The following SMAD6 variants were observed in gnomAD, a reference collection of about 807,000 sequenced individuals.
The protein encoded by SMAD6 is MAD homolog 6.
In SMAD6, 103 loss-of-function variants were observed where a neutral mutation model predicts 39.4. The ratio of observed to expected loss-of-function variants is 2.62; its 90% CI spans 2.23 to 3.08. The LOEUF (loss-of-function observed/expected upper bound fraction) is 3.08. Ranked by LOEUF, SMAD6 falls within the 30% of genes most tolerant of loss-of-function variation. SMAD6 has a pLI of 0.00. For synonymous variants in SMAD6, 445 were observed against 353.3 expected, an observed-to-expected ratio of 1.26 and a Z score of -2.91; for missense variants, 1,104 against 742.9, an observed-to-expected ratio of 1.49 and a Z score of -5.65.
chr15:66,755,748 A>G (rs951714800), intron 3 of SMAD6, among the ~76,000 whole-genome samples: 3 of 152,150 alleles, frequency 2.0e-5, no homozygotes, highest in African/African-American at 4.8e-5. Flanking sequence ...CCTCCTCTCC[A>G]CTGCTCTGCT....
chr15:66,734,047 AG>A (rs1381499727), intron 3 of SMAD6, among the ~76,000 whole-genome samples: 1 of 152,218 alleles, frequency 6.6e-6, no homozygotes, highest in Non-Finnish European at 1.5e-5. Flanking sequence ...GGACTGGGAA[AG>A]GCAACCCAGC....
At position 66,781,168 on chromosome 15, in the gene SMAD6, A is replaced by G; in HGVS notation, c.1124A>G (p.Gln375Arg). The change falls in exon 4 of 4, where the codon CAG (glutamine) becomes CGG (arginine). Residue 375 changes from glutamine (Q) to arginine (R), a missense_variant. Gln to Arg is a conservative substitution (Grantham distance 43). Coordinates refer to ENST00000288840, the MANE Select transcript of SMAD6 (RefSeq NM_005585.5). Reference protein sequence around the residue: ...GFCLGQLNLEQRSESVRRTRS... With the variant: ...GFCLGQLNLERRSESVRRTRS... ...TGCCTGGGCCAGCTCAACCTGGAGCAGCGCAGCGAGTCGGTGCGGCGAACG... is the reference window on the plus strand; with the variant it reads ...TGCCTGGGCCAGCTCAACCTGGAGCGGCGCAGCGAGTCGGTGCGGCGAACG... The G allele has an allele frequency of 6.2e-7, 1 of 1,607,962 alleles. No individual in the cohort carries two copies. Among genetic ancestry groups the G allele is most frequent in the Non-Finnish European group, 8.5e-7 (1 of 1,179,756 alleles).
intron 1 of SMAD6, chr15:66,707,348 G>C (rs2140588973): frequency 6.6e-6 from 1 of 152,150 alleles, no homozygotes; most frequent in African/African-American, 2.4e-5. Context: ...GAGAGACAGA[G>C]CGAGAGAGAG....
intron 3 of SMAD6, among the ~76,000 whole-genome samples, chr15:66,739,862 A>G (rs890185019): frequency 1.3e-5 from 2 of 152,156 alleles, no homozygotes; most frequent in Non-Finnish European, 2.9e-5. Context: ...GTAGCCTCGA[A>G]CTATGAGGCT....
rs1894592258 is a variant in SMAD6 at position 66,782,273 on chromosome 15, T to A, written c.*738T>A. The A allele has an allele frequency of 5.0e-6, 1 of 201,222 alleles. No homozygotes were observed. Among genetic ancestry groups the A allele is most frequent in the African/African-American group, 2.3e-5 (1 of 43,538 alleles). The allele number at this position is 201,222 out of a possible 1,614,324, so 12.5% of individuals were successfully genotyped here. A position where few individuals can be genotyped will look rare whatever the true frequency, so the allele number is the denominator to read the frequency against. ...TTATCCTGGACAAGCTCTTCCAGTC[T>A]GATGGAGGAGGTTCATGCCCTAGCC... On this transcript the variant is annotated 3_prime_UTR_variant, in exon 4 of 4. Coordinates refer to ENST00000288840, the MANE Select transcript of SMAD6 (RefSeq NM_005585.5).
At chr15:66,762,551 C>T (rs1367149087) in intron 3 of SMAD6, among the ~76,000 whole-genome samples, 1 of 151,978 alleles carries the variant, frequency 6.6e-6, no homozygotes, top group Non-Finnish European at 1.5e-5. Flanking sequence ...GGAGGGGGCA[C>T]TTTGGGGGAG....
At chr15:66,704,218 C>A in intron 1 of SMAD6, 143 bp downstream of exon 1, 1 of 534,798 alleles carries the variant, frequency 1.9e-6, no homozygotes, top group Non-Finnish European at 2.9e-6. Context: ...CCAGGGGAGG[C>A]GCCTCAGACC....
chr15:66,730,719 C>T (rs1337959331), intron 3 of SMAD6, among the ~76,000 whole-genome samples: 1 of 152,212 alleles, frequency 6.6e-6, no homozygotes, highest in Non-Finnish European at 1.5e-5. Context: ...TGTGCTGTTT[C>T]TTGTTCCTTA....
intron 1 of SMAD6, chr15:66,705,695 G>C (rs575796590): frequency 6.6e-6 from 1 of 152,332 alleles, no homozygotes; most frequent in Non-Finnish European, 1.5e-5. Flanking sequence ...TGTGCTGGGT[G>C]CTGTGGCTAA....
rs191653566 is a variant in SMAD6 at position 66,768,089 on chromosome 15, C to A, written c.953-12908C>A. On this transcript the variant is annotated intron_variant, in intron 3 of 3. Coordinates refer to ENST00000288840, the MANE Select transcript of SMAD6 (RefSeq NM_005585.5). ...GGCTCAAGCAATCCTCCCACCTCAA[C>A]CTCTAGAGTAGCTGGGGGACTACAG... Among the ~76,000 whole-genome samples, 3 of 150,538 alleles carry A rather than the reference C, an allele frequency of 2.0e-5. No homozygotes were observed. The Admixed American group carries it at 2.0e-4, about 10-fold the overall frequency.
Position 66,703,836 on chromosome 15 carries a change from A to C in SMAD6, c.578A>C (p.Glu193Ala). ...GAGCGCTCGCTGGACACGCTGCTGG[A>C]GGCGGTGGAGTCCCGCGGCGGCGTG... is the stretch of plus-strand genomic sequence containing the variant. ...LKERSLDTLL[E>A]AVESRGGVPG... The change falls in exon 1 of 4, where the codon GAG becomes GCG. Residue 193 changes from glutamate (E) to alanine (A), a missense_variant. By Grantham distance (107) the Glu-to-Ala change is moderately radical (BLOSUM62 -1). Coordinates refer to ENST00000288840, the MANE Select transcript of SMAD6 (RefSeq NM_005585.5). 7.2e-7 allele frequency: 1 copy of C among 1,395,790 alleles called. No homozygotes were observed. The highest frequency in any genetic ancestry group is 9.4e-7 in the Non-Finnish European group (1 of 1,063,236). 86.5% of individuals were successfully genotyped at this position (1,395,790 alleles called of 1,614,324 possible). A position where few individuals can be genotyped will look rare whatever the true frequency, so the allele number is the denominator to read the frequency against.
At chr15:66,762,971 G>A (rs1894226331) in intron 3 of SMAD6, among the ~76,000 whole-genome samples, 1 of 151,964 alleles carries the variant, frequency 6.6e-6, no homozygotes, top group African/African-American at 2.4e-5. Context: ...TGTCCCCAAA[G>A]GACACAGCAG....
chr15:66,767,333 GC>G (rs1894305269), intron 3 of SMAD6, among the ~76,000 whole-genome samples: 1 of 152,174 alleles, frequency 6.6e-6, no homozygotes, highest in South Asian at 2.1e-4. Flanking sequence ...GCCTCCTTCT[GC>G]CTTGGAAACC....
Position 66,703,815 on chromosome 15 carries a change from G to A in SMAD6, c.557G>A (p.Arg186His). ...TCGCTGCTGAAGCGGCTCAAGGAGC[G>A]CTCGCTGGACACGCTGCTGGAGGCG... ...TYSLLKRLKE[R>H]SLDTLLEAVE... The change falls in exon 1 of 4, where the codon CGC (arginine) becomes CAC (histidine). Residue 186 changes from arginine to histidine, a missense_variant. Physicochemically the swap from Arg to His is conservative, Grantham distance 29. Coordinates refer to ENST00000288840, the MANE Select transcript of SMAD6 (RefSeq NM_005585.5). The A allele has an allele frequency of 3.5e-6, 5 of 1,427,354 alleles. No individual in the cohort carries two copies. The highest frequency in any genetic ancestry group is 1.5e-5 in the African/African-American group (1 of 67,620). The allele number at this position is 1,427,354 out of a possible 1,614,324, so 88.4% of individuals were successfully genotyped here.
intron 3 of SMAD6, among the ~76,000 whole-genome samples, chr15:66,749,334 T>TACTTGGGAGGGTAAGGCAA (rs1893959957): frequency 6.6e-6 from 1 of 152,186 alleles, no homozygotes; most frequent in Non-Finnish European, 1.5e-5. Flanking sequence ...GGTGGGTGCC[T>TACTTGGGAGGGTAAGGCAA]GTAATCCTAG....
At chr15:66,770,128 G>A (rs1043491714) in intron 3 of SMAD6, among the ~76,000 whole-genome samples, 3 of 152,142 alleles carry the variant, frequency 2.0e-5, no homozygotes, top group African/African-American at 4.8e-5. Context: ...GCGCCCGGCC[G>A]AGAAGGGCTT....
chr15:66,721,396 G>T (rs968794509), intron 3 of SMAD6, among the ~76,000 whole-genome samples: 2 of 143,932 alleles, frequency 1.4e-5, no homozygotes, highest in Admixed American at 6.8e-5. Context: ...GTGTGTTCTC[G>T]TCCAACAACA....
intron 3 of SMAD6, among the ~76,000 whole-genome samples, chr15:66,735,072 C>A (rs748205566): frequency 3.9e-5 from 6 of 152,200 alleles, no homozygotes; most frequent in African/African-American, 1.2e-4. Flanking sequence ...TCATGCCATC[C>A]CCTGCTTTTA....
Position 66,703,815 on chromosome 15 carries a change from G to T in SMAD6, c.557G>T (p.Arg186Leu). The change falls in exon 1 of 4, where the codon CGC becomes CTC. Residue 186 changes from arginine (R) to leucine (L), a missense_variant. Coordinates refer to ENST00000288840, the MANE Select transcript of SMAD6 (RefSeq NM_005585.5). ...TCGCTGCTGAAGCGGCTCAAGGAGC[G>T]CTCGCTGGACACGCTGCTGGAGGCG... ...TYSLLKRLKE[R>L]SLDTLLEAVE... 7.0e-7 allele frequency: 1 copy of T among 1,427,354 alleles called. No homozygotes were observed. Among genetic ancestry groups the T allele is most frequent in the Non-Finnish European group, 9.3e-7 (1 of 1,079,472 alleles). The allele number at this position is 1,427,354 out of a possible 1,614,324, so 88.4% of individuals were successfully genotyped here.
Sources: allele counts gnomAD v4.1 joint callset (sites outside exome capture counted in the v4.1 genomes callset), GRCh38; gene constraint gnomAD v4.1.1; transcripts MANE v1.5; gene names NCBI Gene and HGNC (gene_info 2026-07-23, HGNC 2026-07-21).